PTPRD: variants seen among roughly 807,000 people sequenced by gnomAD.
PTPRD encodes receptor-type tyrosine-protein phosphatase delta.
In PTPRD, 34 loss-of-function variants were observed where a neutral mutation model predicts 214.5. That is an observed-to-expected ratio of 0.16 (90% CI 0.12 to 0.21). PTPRD has a LOEUF of 0.21. Ranked by LOEUF, PTPRD falls within the 10% of genes least tolerant of loss-of-function variation. The probability of loss-of-function intolerance (pLI) is 1.00; values close to 1 mark genes in which losing one functional copy is unlikely to be tolerated. For synonymous variants in PTPRD, 1,128 were observed against 845.7 expected, an observed-to-expected ratio of 1.33 and a Z score of -5.79; for missense variants, 2,545 against 2,398.7, an observed-to-expected ratio of 1.06 and a Z score of -1.27.
chr9:8,336,683 A>G (rs1847187544), intron 43 of PTPRD, among the ~76,000 whole-genome samples: 1 of 150,656 alleles, frequency 6.6e-6, no homozygotes, highest in African/African-American at 2.4e-5. Context: ...ACAGAATGGG[A>G]GGAAATTTTT....
intron 12 of PTPRD, among the ~76,000 whole-genome samples, chr9:8,719,691 A>G (rs866330703): frequency 8.0e-4 from 120 of 149,946 alleles, no homozygotes; most frequent in African/African-American, 2.9e-3. Context: ...AATAGCTGTG[A>G]TAGAGACCCA....
In PTPRD at chr9:9,364,402, G is replaced by C. The variant is rs1022255008; in HGVS notation, c.-203+33047C>G. On this transcript the variant is annotated intron_variant, in intron 9 of 45. Transcript: ENST00000381196. ...GAGAAAGTATGTCAGATATTGGTGAGTGTTGGAGAAGGGAATGTATTTTGA... is the reference window on the plus strand; with the variant it reads ...GAGAAAGTATGTCAGATATTGGTGACTGTTGGAGAAGGGAATGTATTTTGA... 2.0e-5 allele frequency among the ~76,000 whole-genome samples: 3 copies of C among 151,620 alleles called. No homozygotes were observed. The East Asian group carries it at 5.8e-4, about 30-fold the overall frequency.
At chr9:8,441,841 G>C (rs1459680511) in intron 34 of PTPRD, among the ~76,000 whole-genome samples, 2 of 152,142 alleles carry the variant, frequency 1.3e-5, no homozygotes. Flanking sequence ...AGCTACATGA[G>C]GAATCTGATC....
chr9:10,493,887 T>C (rs1224110669), intron 2 of PTPRD, among the ~76,000 whole-genome samples: 1 of 151,980 alleles, frequency 6.6e-6, no homozygotes, highest in Non-Finnish European at 1.5e-5. Flanking sequence ...ATGATCTGTT[T>C]AAGTTACATG....
At chr9:10,187,329 G>C (rs950896357) in intron 3 of PTPRD, among the ~76,000 whole-genome samples, 12 of 152,132 alleles carry the variant, frequency 7.9e-5, no homozygotes, top group African/African-American at 2.9e-4. Flanking sequence ...CAAAAACTGA[G>C]AGGTAGCCAA....
At chr9:8,452,470 C>A (rs2095998447) in intron 33 of PTPRD, among the ~76,000 whole-genome samples, 1 of 152,120 alleles carries the variant, frequency 6.6e-6, no homozygotes, top group African/African-American at 2.4e-5. Flanking sequence ...AAATTAGGCC[C>A]AACATGAATG....
intron 3 of PTPRD, among the ~76,000 whole-genome samples, chr9:10,188,587 T>C (rs1305442955): frequency 6.6e-6 from 1 of 152,006 alleles, no homozygotes; most frequent in East Asian, 1.9e-4. Flanking sequence ...TTTTTTTTTT[T>C]ACAAATAAAA....
intron 3 of PTPRD, among the ~76,000 whole-genome samples, chr9:10,123,668 A>G (rs1471545531): frequency 3.3e-5 from 5 of 152,204 alleles, no homozygotes; most frequent in Non-Finnish European, 1.5e-5. Context: ...ATAAAAGAAC[A>G]CCGTTATTTT....
chr9:10,175,089 G>C (rs529343083), intron 3 of PTPRD, among the ~76,000 whole-genome samples: 1 of 152,018 alleles, frequency 6.6e-6, no homozygotes, highest in African/African-American at 2.4e-5. Flanking sequence ...TAAAGCCTTA[G>C]GTATTGCCCT....
chr9:9,839,466 A>T (rs1241603513), intron 5 of PTPRD, among the ~76,000 whole-genome samples: 1 of 152,146 alleles, frequency 6.6e-6, no homozygotes, highest in African/African-American at 2.4e-5. Flanking sequence ...CTTCAAAGAG[A>T]ATAAAATACC....
intron 3 of PTPRD, among the ~76,000 whole-genome samples, chr9:10,038,554 T>G (rs542328637): frequency 6.6e-5 from 10 of 152,254 alleles, no homozygotes; most frequent in African/African-American, 2.4e-4. Context: ...TTGGAGATAC[T>G]AATATTATCA....
At chr9:8,435,702 C>T (rs10977098) in intron 35 of PTPRD, among the ~76,000 whole-genome samples, 75 of 77,496 alleles carry the variant, frequency 9.7e-4, no homozygotes, top group Middle Eastern at 0.013. Context: ...TATCCAAATA[C>T]ACACACACAC....
intron 4 of PTPRD, among the ~76,000 whole-genome samples, chr9:9,968,567 G>A (rs1445559863): frequency 6.6e-6 from 1 of 152,108 alleles, no homozygotes; most frequent in Non-Finnish European, 1.5e-5. Context: ...GAGAAGCAGA[G>A]AGCACCAAAA....
At chr9:9,127,617 G>A (rs1481020975) in intron 10 of PTPRD, among the ~76,000 whole-genome samples, 6 of 152,144 alleles carry the variant, frequency 3.9e-5, no homozygotes, top group African/African-American at 1.4e-4. Context: ...ACATGATAAA[G>A]TTAGATGTCT....
intron 2 of PTPRD, among the ~76,000 whole-genome samples, chr9:10,530,256 G>T (rs188343064): frequency 1.2e-4 from 18 of 144,726 alleles, no homozygotes; most frequent in Non-Finnish European, 1.9e-4. Flanking sequence ...TAGAGAGTAG[G>T]TTTTATACTT....
At chr9:9,366,791 A>G (rs961626543) in intron 9 of PTPRD, among the ~76,000 whole-genome samples, 5 of 151,566 alleles carry the variant, frequency 3.3e-5, no homozygotes, top group African/African-American at 4.8e-5. Context: ...GGTCCTCATT[A>G]TTAGTAAACA....
At chr9:10,092,733 T>A (rs1221812228) in intron 3 of PTPRD, among the ~76,000 whole-genome samples, 1 of 151,572 alleles carries the variant, frequency 6.6e-6, no homozygotes, top group African/African-American at 2.4e-5. Context: ...CAAAACAGCA[T>A]AGTATTGGTA....
At chr9:9,076,933 G>C (rs1467946922) in intron 10 of PTPRD, among the ~76,000 whole-genome samples, 2 of 151,858 alleles carry the variant, frequency 1.3e-5, no homozygotes, top group African/African-American at 4.8e-5. Context: ...GTGTACAAGG[G>C]TTCCCTTTTC....
At chr9:9,087,363 C>G (rs1285127948) in intron 10 of PTPRD, among the ~76,000 whole-genome samples, 1 of 151,846 alleles carries the variant, frequency 6.6e-6, no homozygotes, top group African/African-American at 2.4e-5. Flanking sequence ...TACCTATTAC[C>G]CATGTGTGAC....
Sources: allele counts gnomAD v4.1 joint callset (sites outside exome capture counted in the v4.1 genomes callset), GRCh38; gene constraint gnomAD v4.1.1; transcripts MANE v1.5; gene names NCBI Gene and HGNC (gene_info 2026-07-23, HGNC 2026-07-21).